The following EP400 variants were observed in gnomAD, a reference collection of about 807,000 sequenced individuals.
The protein encoded by EP400 is E1A-binding protein p400.
A neutral mutation model predicts 354.1 loss-of-function variants in EP400; 105 were observed. The ratio of observed to expected loss-of-function variants is 0.30; its 90% CI spans 0.25 to 0.35. The LOEUF is 0.35. Ranked by LOEUF, EP400 falls within the 10% of genes least tolerant of loss-of-function variation. EP400 has a pLI of 1.00. For missense variants in EP400, 3,280 were observed against 4,121.0 expected, an observed-to-expected ratio of 0.80 and a Z score of 5.59; for synonymous variants, 1,646 against 1,716.9, an observed-to-expected ratio of 0.96 and a Z score of 1.02.
chr12:132,033,635 A>G (rs887426936), intron 30 of EP400, among the ~76,000 whole-genome samples: 16 of 151,464 alleles, frequency 1.1e-4, no homozygotes, highest in African/African-American at 3.9e-4. Context: ...AGGCTCAGGT[A>G]ATCCTCCCGG....
intron 11 of EP400, among the ~76,000 whole-genome samples, chr12:131,993,858 C>T (rs1055957551): frequency 3.9e-5 from 6 of 152,208 alleles, no homozygotes; most frequent in African/African-American, 1.4e-4. Context: ...TTGGCAGAAA[C>T]GGCATTATGT....
chr12:132,044,642 G>C (rs1280820817), intron 35 of EP400, 29 bp from the exon 36 acceptor site: 3 of 1,613,992 alleles, frequency 1.9e-6, no homozygotes, highest in Non-Finnish European at 2.5e-6. Flanking sequence ...AGACTTGGTG[G>C]AAGTCAGAGC....
chr12:132,034,116 T>G (rs1247074993), intron 30 of EP400, among the ~76,000 whole-genome samples: 2 of 152,218 alleles, frequency 1.3e-5, no homozygotes, highest in Non-Finnish European at 2.9e-5. Flanking sequence ...ATTTCCATGG[T>G]GATGAATATA....
chr12:131,966,646 G>A (rs749026229), intron 2 of EP400, among the ~76,000 whole-genome samples: 23 of 150,376 alleles, frequency 1.5e-4, no homozygotes, highest in Non-Finnish European at 2.8e-4. Context: ...GCTCATGCCT[G>A]TAATCCCAGC....
chr12:132,058,537 A>G (rs1446481102), intron 45 of EP400, among the ~76,000 whole-genome samples: 1 of 151,864 alleles, frequency 6.6e-6, no homozygotes, highest in East Asian at 1.9e-4. Context: ...TTTTTGGTAG[A>G]GACGGGGTTT....
intron 7 of EP400, 33 bp downstream of exon 7, chr12:131,987,923 G>A: frequency 1.3e-6 from 2 of 1,539,336 alleles, no homozygotes; most frequent in African/African-American, 1.4e-5. Flanking sequence ...GCTGTGCTGT[G>A]TGCGTTGGTG....
At position 132,028,286 on chromosome 12, in the gene EP400, C is replaced by T. The variant is rs1277714264; in HGVS notation, c.5379C>T (p.Asp1793=). ...GAGAGTCTCTGCAGGATGTTATTGA[C>T]AGGTACTGCAGACCTCGTGACCTTT... ...RCGESLQDVI[D]RVAFVIPPVV... The change falls in exon 27 of 53, where the codon GAC becomes GAT. Residue 1793 remains aspartate (D), a splice_region_variant and synonymous_variant. Coordinates refer to ENST00000389561, the MANE Select transcript of EP400 (RefSeq NM_015409.5). 6.2e-7 allele frequency: 1 copy of T among 1,610,630 alleles called. No individual in the cohort carries two copies. Among genetic ancestry groups the T allele is most frequent in the Admixed American group, 1.7e-5 (1 of 59,978 alleles).
rs776502123 is a variant in EP400, at chr12:132,053,505, CCCCAGCCACAGCCCCAGA to C, written c.7650_7667del (p.Gln2551_Pro2556del). ...AGGGCCACCAGCTGTCCAGCCCCAA[CCCCAGCCACAGCCCCAGA>C]CCCAGCCACAGCCTGTGCAGGCCCC... On this transcript the variant is annotated inframe_deletion, in exon 43 of 53. Transcript: ENST00000389561. The C allele has an allele frequency of 3.9e-6, 6 of 1,539,376 alleles. No individual in the cohort carries two copies. The highest frequency in any genetic ancestry group is 2.7e-5 in the African/African-American group (2 of 73,070).
At chr12:132,055,601 GGT>G (rs1467699512) in intron 45 of EP400, among the ~76,000 whole-genome samples, 1 of 133,162 alleles carries the variant, frequency 7.5e-6, no homozygotes, top group African/African-American at 2.8e-5. Context: ...GTGGTATAGG[GGT>G]GTGTGTGAGG....
rs1895060065 is a variant in EP400, at chr12:132,045,430, A to C, written c.6896A>C (p.Gln2299Pro). 1.2e-6 allele frequency: 2 copies of C among 1,614,234 alleles called. No homozygotes were observed. The highest frequency in any genetic ancestry group is 8.5e-7 in the Non-Finnish European group (1 of 1,180,040). The change falls in exon 38 of 53, where the codon CAG becomes CCG. Residue 2299 changes from glutamine to proline, a missense_variant. Gln to Pro is a moderately conservative substitution (Grantham distance 76). Transcript: ENST00000389561. ...AAAATTCGCAGAGAGGGCAAGGAGCAGAAGAAGAATATTCTGCTGAAGCAG... is the reference window on the plus strand; with the variant it reads ...AAAATTCGCAGAGAGGGCAAGGAGCCGAAGAAGAATATTCTGCTGAAGCAG... ...LLKIRREGKE[Q>P]KKNILLKQQV...
intron 2 of EP400, among the ~76,000 whole-genome samples, chr12:131,967,681 C>G (rs1892150467): frequency 6.6e-6 from 1 of 151,434 alleles, no homozygotes; most frequent in Admixed American, 6.6e-5. Context: ...CAGAGTGAGA[C>G]TCTGTCTCAA....
intron 12 of EP400, among the ~76,000 whole-genome samples, chr12:132,003,982 T>C (rs1893501140): frequency 6.6e-6 from 1 of 152,198 alleles, no homozygotes; most frequent in South Asian, 2.1e-4. Flanking sequence ...AGCTCACATA[T>C]CACAAGTACA....
chr12:131,995,669 C>T (rs1893185746), intron 12 of EP400, among the ~76,000 whole-genome samples: 1 of 148,008 alleles, frequency 6.8e-6, no homozygotes, highest in African/African-American at 2.5e-5. Flanking sequence ...TGTGTGAGAA[C>T]TTCACGTGAA....
At chr12:132,071,293 A>G (rs747506154) in intron 51 of EP400, among the ~76,000 whole-genome samples, 8 of 151,850 alleles carry the variant, frequency 5.3e-5, no homozygotes, top group Non-Finnish European at 8.8e-5. Flanking sequence ...TGCGAATGAT[A>G]CCCAGATTCA....
intron 51 of EP400, among the ~76,000 whole-genome samples, chr12:132,072,914 A>C (rs1896106329): frequency 6.6e-6 from 1 of 152,162 alleles, no homozygotes; most frequent in East Asian, 1.9e-4. Context: ...TCTGGTCTTG[A>C]AGCCTATTCT....
At position 132,038,814 on chromosome 12, in the gene EP400, T is replaced by G. The variant is rs1359033894; in HGVS notation, c.6207+718T>G. 6.6e-6 allele frequency among the ~76,000 whole-genome samples: 1 copy of G among 152,154 alleles called. No homozygotes were observed. The highest frequency in any genetic ancestry group is 1.5e-5 in the Non-Finnish European group (1 of 68,030). ...CCCCACGTCCTGGAGATGGAGGCCT[T>G]CAGCTGCCTTTGTTCTCTGAGTCCC... On this transcript the variant is annotated intron_variant, in intron 32 of 52. Transcript: ENST00000389561. This position sits in a 1 kb window ranked among gnomAD's most constrained non-coding sequence, Gnocchi z 4.2.
intron 1 of EP400, among the ~76,000 whole-genome samples, chr12:131,953,239 T>A (rs989285321): frequency 4.6e-5 from 7 of 152,190 alleles, no homozygotes; most frequent in Non-Finnish European, 8.8e-5. Flanking sequence ...CAGATGTTCC[T>A]TAGCGGGGCC....
Position 132,043,650 on chromosome 12 carries a change from A to G in EP400, c.6372A>G (p.Thr2124=), listed in dbSNP as rs1189277830. Residue 2124 remains threonine (T), a synonymous_variant, in exon 34 of 53, where the codon ACA becomes ACG. Transcript: ENST00000389561. Reference sequence around the variant, plus strand: ...AAAATATACTTTTGGAACAGCTTACACCAATTGAAAAATATGCTTTAAATT... The same window carrying G: ...AAAATATACTTTTGGAACAGCTTACGCCAATTGAAAAATATGCTTTAAATT... The part of the protein sequence containing the change: ...EELADFMEQL[T]PIEKYALNYL... The G allele has an allele frequency of 6.2e-6, 10 of 1,610,096 alleles. No homozygotes were observed. The highest frequency in any genetic ancestry group is 1.3e-5 in the African/African-American group (1 of 74,708).
chr12:131,957,236 G>A (rs1408588886), intron 1 of EP400, among the ~76,000 whole-genome samples: 1 of 152,076 alleles, frequency 6.6e-6, no homozygotes, highest in Non-Finnish European at 1.5e-5. Context: ...TTGTATGAGT[G>A]CTTTTTATGG....
Sources: gnomAD v4.1 joint callset for allele counts (sites outside exome capture counted in the v4.1 genomes callset) on GRCh38, gnomAD v4.1.1 for gene constraint, Gnocchi (gnomAD v3.1) non-coding constraint, MANE v1.5 for transcripts, NCBI Gene and HGNC (gene_info 2026-07-23, HGNC 2026-07-21) for gene names.